The following SKIC3 variants were observed in gnomAD, a reference collection of about 807,000 sequenced individuals.
SKIC3 encodes the protein superkiller complex protein 3.
chr5:95,520,792 C>G, the SKIC3 span: 1 of 1,611,962 alleles, frequency 6.2e-7, no homozygotes, highest in East Asian at 2.2e-5. Context: ...GCTGCTTTTG[C>G]CATCATAAGA....
chr5:95,513,024 T>C, the SKIC3 span: 3 of 220,382 alleles, frequency 1.4e-5, no homozygotes, highest in African/African-American at 4.7e-5. Flanking sequence ...GTTTCTATTC[T>C]ATTAATATAT....
At chr5:95,523,069 A>C in the SKIC3 span, 2 of 1,241,250 alleles carry the variant, frequency 1.6e-6, no homozygotes, top group Non-Finnish European at 2.3e-6. Context: ...CAAACAATAA[A>C]CACCAATCAA....
chr5:95,522,086 T>A, the SKIC3 span: 1 of 1,613,640 alleles, frequency 6.2e-7, no homozygotes, highest in African/African-American at 1.3e-5. Flanking sequence ...TTCTTTCTTT[T>A]TAATGATCAT....
the SKIC3 span, among the ~76,000 whole-genome samples, chr5:95,554,690 G>A: frequency 6.6e-6 from 1 of 152,154 alleles, no homozygotes; most frequent in African/African-American, 2.4e-5. Flanking sequence ...ATTCGGGGGG[G>A]TCTAAGGCAT....
chr5:95,529,117 A>G, the SKIC3 span: 1 of 1,612,002 alleles, frequency 6.2e-7, no homozygotes, highest in Non-Finnish European at 8.5e-7. Flanking sequence ...AAGGATAAAA[A>G]CAATCACAAA....
At chr5:95,482,669 G>T in the SKIC3 span, 1 of 1,608,416 alleles carries the variant, frequency 6.2e-7, no homozygotes. Context: ...CATCAAATAG[G>T]TTCTTAAGTG....
At chr5:95,509,688 C>T in the SKIC3 span, 9 of 1,602,636 alleles carry the variant, frequency 5.6e-6, no homozygotes, top group South Asian at 2.2e-5. Flanking sequence ...TGAATTCTTT[C>T]TAGAAAATGA....
At chr5:95,515,038 T>C in the SKIC3 span, 1 of 1,038,288 alleles carries the variant, frequency 9.6e-7, no homozygotes, top group Non-Finnish European at 1.4e-6. Context: ...TGTATGAACA[T>C]AAAATTTCAC....
chr5:95,502,895 G>A, the SKIC3 span: 2 of 1,613,808 alleles, frequency 1.2e-6, no homozygotes, highest in Middle Eastern at 1.7e-4. Flanking sequence ...AAATAGCAAT[G>A]TCTTGGCTAC....
chr5:95,518,722 T>A, the SKIC3 span, among the ~76,000 whole-genome samples: 1 of 152,142 alleles, frequency 6.6e-6, no homozygotes, highest in Non-Finnish European at 1.5e-5. Flanking sequence ...GTTGAATATC[T>A]AGGTTGATTC....
chr5:95,546,873 A>C, the SKIC3 span: 1 of 600,276 alleles, frequency 1.7e-6, no homozygotes, highest in South Asian at 2.0e-5. Context: ...CAATACAGAG[A>C]AAGTTAAGTT....
At chr5:95,538,703 CAAAAATTCTCTTCAATTACTTT>C in the SKIC3 span, among the ~76,000 whole-genome samples, 1 of 152,034 alleles carries the variant, frequency 6.6e-6, no homozygotes, top group African/African-American at 2.4e-5. Context: ...TTTAGTCTTA[CAAAAATTCTCTTCAATTACTTT>C]AAAATCTGCA....
chr5:95,540,587 A>G, the SKIC3 span: 1 of 1,454,652 alleles, frequency 6.9e-7, no homozygotes, highest in Admixed American at 1.7e-5. Context: ...ATTACTATGG[A>G]AATGGAAATT....
chr5:95,494,143 T>A, the SKIC3 span, among the ~76,000 whole-genome samples: 1 of 152,184 alleles, frequency 6.6e-6, no homozygotes, highest in Non-Finnish European at 1.5e-5. Context: ...AAACTGTTTC[T>A]TGAAAATATG....
At chr5:95,476,464 A>G in the SKIC3 span, among the ~76,000 whole-genome samples, 1 of 152,240 alleles carries the variant, frequency 6.6e-6, no homozygotes, top group African/African-American at 2.4e-5. Context: ...TTATTTTAAT[A>G]TATCCATCCT....
chr5:95,530,189 T>C, the SKIC3 span: 1 of 1,613,666 alleles, frequency 6.2e-7, no homozygotes, highest in Non-Finnish European at 8.5e-7. Context: ...CCATTTCCAC[T>C]AATCTACAAC....
chr5:95,511,924 T>C, the SKIC3 span, among the ~76,000 whole-genome samples: 1 of 152,240 alleles, frequency 6.6e-6, no homozygotes, highest in African/African-American at 2.4e-5. Context: ...TTACAACAGA[T>C]GGTTAATAAA....
the SKIC3 span, among the ~76,000 whole-genome samples, chr5:95,520,378 G>T: frequency 3.3e-4 from 50 of 150,664 alleles, 1 homozygote; most frequent in Middle Eastern, 3.4e-3. Context: ...TTTCCCAATC[G>T]GTTCCAATTA....
chr5:95,503,677 T>C, the SKIC3 span: 4 of 1,198,094 alleles, frequency 3.3e-6, no homozygotes, highest in East Asian at 9.6e-5. Context: ...TGCCTAGTAT[T>C]GCTGCTGACT....
Sources: gnomAD v4.1 joint callset for allele counts (sites outside exome capture counted in the v4.1 genomes callset) on GRCh38, gnomAD v4.1.1 for gene constraint, MANE v1.5 for transcripts, NCBI Gene and HGNC (gene_info 2026-07-23, HGNC 2026-07-21) for gene names.